DENND2C: variants seen among roughly 807,000 people sequenced by gnomAD.
The protein encoded by DENND2C is DENN domain-containing protein 2C.
DENND2C carries 72 observed loss-of-function variants against 112.4 expected under a neutral mutation model. The observed-to-expected ratio is 0.64, with a 90% CI of 0.53 to 0.78. The LOEUF is 0.78. Among genes scored for constraint, DENND2C ranks in the 30% least tolerant of loss-of-function variants. DENND2C has a pLI of 0.00. For missense variants in DENND2C, 992 were observed against 1,113.8 expected (o/e 0.89, Z 1.56); for synonymous variants, 329 against 381.6 (o/e 0.86, Z 1.61).
intron 14 of DENND2C, 55 bp from the exon 15 acceptor site, chr1:114,600,407 G>A: frequency 6.2e-7 from 1 of 1,602,686 alleles, no homozygotes. Flanking sequence ...AATCCCTAGT[G>A]CCAACGCTAT....
chr1:114,623,169 A>G (rs1656214351), intron 5 of DENND2C, 70 bp from the exon 6 acceptor site: 3 of 1,403,134 alleles, frequency 2.1e-6, no homozygotes, highest in Admixed American at 4.2e-5. Flanking sequence ...AGCTGGCAAA[A>G]GAAAGAAAAA....
At chr1:114,615,307 T>C (rs1655935399) in intron 8 of DENND2C, among the ~76,000 whole-genome samples, 2 of 152,270 alleles carry the variant, frequency 1.3e-5, no homozygotes, top group South Asian at 2.1e-4. Flanking sequence ...ATACCATTGT[T>C]GAAGATAAAA....
chr1:114,656,844 TG>T (rs1159393324), intron 1 of DENND2C, among the ~76,000 whole-genome samples: 4 of 152,062 alleles, frequency 2.6e-5, no homozygotes, highest in African/African-American at 9.7e-5. Context: ...CTCCACCTCC[TG>T]GGTTCAAGCA....
intron 18 of DENND2C, among the ~76,000 whole-genome samples, chr1:114,593,054 A>G (rs1655239337): frequency 6.6e-6 from 1 of 151,834 alleles, no homozygotes; most frequent in East Asian, 1.9e-4. Flanking sequence ...GCTAGTTTGG[A>G]ATTCCTAGGT....
intron 16 of DENND2C, among the ~76,000 whole-genome samples, chr1:114,597,138 C>G (rs567091766): frequency 1.3e-5 from 2 of 151,880 alleles, no homozygotes; most frequent in African/African-American, 4.8e-5. Flanking sequence ...GGGCCAGTAC[C>G]CAGAATATAA....
At chr1:114,600,464 C>T (rs1051117094) in intron 14 of DENND2C, 112 bp from the exon 15 acceptor site, 1 of 1,403,724 alleles carries the variant, frequency 7.1e-7, no homozygotes, top group Non-Finnish European at 9.7e-7. Context: ...AGGTCTGCTA[C>T]ACGGGGTCTG....
At chr1:114,593,322 C>T (rs566003041) in intron 18 of DENND2C, among the ~76,000 whole-genome samples, 1 of 152,358 alleles carries the variant, frequency 6.6e-6, no homozygotes, top group Non-Finnish European at 1.5e-5. Context: ...TCTATACGAT[C>T]ATCTCATCTG....
chr1:114,630,594 C>T (rs1246663951), intron 3 of DENND2C, among the ~76,000 whole-genome samples: 1 of 151,986 alleles, frequency 6.6e-6, no homozygotes, highest in African/African-American at 2.4e-5. Context: ...GACATGGCAA[C>T]CTTACCGAGT....
chr1:114,616,397 G>GA lies in DENND2C; in HGVS notation c.1324+1988dup, dbSNP rs879864808. ...ACAGAGTGAGACTCTGTATCCAAAA[G>GA]AAAAAAAAAAAAGAAAATTCTGTCT... On this transcript the variant is annotated intron_variant, in intron 8 of 20. Transcript: ENST00000393274. 9.8e-3 allele frequency among the ~76,000 whole-genome samples: 1,173 copies of GA among 119,284 alleles called. 6 individuals carry two copies. The highest frequency in any genetic ancestry group is 0.033 in the South Asian group (128 of 3,918). 78.3% of individuals were successfully genotyped at this position (119,284 alleles called of 152,430 possible).
At chr1:114,638,762 C>CAAAAAAAAAAAAAAAAAGAAAAAAAAA (rs1656725677) in intron 3 of DENND2C, among the ~76,000 whole-genome samples, 1 of 84,164 alleles carries the variant, frequency 1.2e-5, no homozygotes, top group African/African-American at 4.4e-5. Flanking sequence ...GACCTTGTCT[C>CAAAAAAAAAAAAAAAAAGAAAAAAAAA]AAAAAAAAAA....
intron 3 of DENND2C, among the ~76,000 whole-genome samples, chr1:114,640,879 TAACA>T (rs1300225797): frequency 2.0e-5 from 3 of 152,220 alleles, no homozygotes; most frequent in Non-Finnish European, 1.5e-5. Context: ...GATATTTTAA[TAACA>T]AACAGCCTTT....
Position 114,602,222 on chromosome 1 carries a change from G to A in DENND2C, c.1668-28C>T, listed in dbSNP as rs553235558. 4.4e-6 allele frequency: 7 copies of A among 1,608,666 alleles called. No homozygotes were observed. The East Asian group carries it at 1.3e-4, about 31-fold the overall frequency. On this transcript the variant is annotated intron_variant, in intron 11 of 20. Coordinates refer to ENST00000393274, the MANE Select transcript of DENND2C (RefSeq NM_001256404.2). ...GAAAAAAGAGCCAATAGTTAGTTTA[G>A]GATCCAAACAATTACTTATGGCATT...
chr1:114,615,009 G>A (rs1268169173), intron 8 of DENND2C, among the ~76,000 whole-genome samples: 11 of 150,368 alleles, frequency 7.3e-5, no homozygotes, highest in Admixed American at 1.3e-4. Context: ...GCAAGACTCC[G>A]TCTCAAAAAA....
Position 114,585,543 on chromosome 1 carries a change from A to G in DENND2C, c.*57T>C. On this transcript the variant is annotated 3_prime_UTR_variant, in exon 21 of 21. Transcript: ENST00000393274. The stretch of plus-strand genomic sequence containing the variant: ...ACTTCATGGGATCCTGACCCTTAGA[A>G]AAATATTTTCTTTGGCACTTTCTGT... The G allele has an allele frequency of 6.3e-7, 1 of 1,588,644 alleles. No homozygotes were observed. Among genetic ancestry groups the G allele is most frequent in the Non-Finnish European group, 8.6e-7 (1 of 1,159,290 alleles).
Position 114,602,211 on chromosome 1 carries a change from T to C in DENND2C, c.1668-17A>G. The C allele has an allele frequency of 6.2e-7, 1 of 1,612,264 alleles. No homozygotes were observed. The highest frequency in any genetic ancestry group is 8.5e-7 in the Non-Finnish European group (1 of 1,179,012). On this transcript the variant is annotated splice_polypyrimidine_tract_variant and intron_variant, in intron 11 of 20. Coordinates refer to ENST00000393274, the MANE Select transcript of DENND2C (RefSeq NM_001256404.2). ...AATGTTTCACTGAAAAAAGAGCCAA[T>C]AGTTAGTTTAGGATCCAAACAATTA...
Position 114,625,456 on chromosome 1 carries a change from TCA to T in DENND2C, c.527_528del (p.Leu176GlnfsTer7). On this transcript the variant is annotated frameshift_variant, in exon 4 of 21. Coordinates refer to ENST00000393274, the MANE Select transcript of DENND2C (RefSeq NM_001256404.2). LOFTEE classifies it high-confidence loss of function. ...TATGAACTATCCAGAACTCTGAAGT[TCA>T]GTTCTTTTTCTGAAGAGTCACAATG... is the stretch of plus-strand genomic sequence containing the variant. ...LEHCDSSEKE[L>X]NFRVLDSSYG... 1 of 1,614,152 alleles carries T rather than the reference TCA, an allele frequency of 6.2e-7. No individual in the cohort carries two copies. The highest frequency in any genetic ancestry group is 8.5e-7 in the Non-Finnish European group (1 of 1,180,014).
At chr1:114,632,950 A>G (rs1656535889) in intron 3 of DENND2C, among the ~76,000 whole-genome samples, 1 of 152,170 alleles carries the variant, frequency 6.6e-6, no homozygotes, top group South Asian at 2.1e-4. Context: ...AGGAATGAGG[A>G]GAACAAAAAA....
intron 18 of DENND2C, among the ~76,000 whole-genome samples, chr1:114,590,650 C>T (rs1472036928): frequency 3.3e-5 from 5 of 151,608 alleles, no homozygotes; most frequent in Admixed American, 6.6e-5. Context: ...AGGTGGCAGG[C>T]GCCTGTAATC....
At chr1:114,601,702 C>T in intron 12 of DENND2C, 117 bp from the exon 13 acceptor site, 2 of 836,064 alleles carry the variant, frequency 2.4e-6, no homozygotes, top group South Asian at 4.0e-5. Context: ...AACCAAGGCT[C>T]TCATCTTTAG....
Sources: gnomAD v4.1 joint callset for allele counts (sites outside exome capture counted in the v4.1 genomes callset) on GRCh38, gnomAD v4.1.1 for gene constraint, MANE v1.5 for transcripts, NCBI Gene and HGNC (gene_info 2026-07-23, HGNC 2026-07-21) for gene names.